PXDNL: variants seen among roughly 807,000 people sequenced by gnomAD.
The protein encoded by PXDNL is probable oxidoreductase PXDNL.
Under a neutral mutation model 150.8 loss-of-function variants are expected in PXDNL, and 145 were observed. The observed-to-expected ratio is 0.96, with a 90% CI of 0.84 to 1.10. PXDNL has a LOEUF of 1.10. Among genes scored for constraint, PXDNL ranks in the 50% least tolerant of loss-of-function variants. The probability of loss-of-function intolerance (pLI) is 0.00; values close to 1 mark genes in which losing one functional copy is unlikely to be tolerated. For synonymous variants in PXDNL, 757 were observed against 725.7 expected (o/e 1.04, Z -0.69); for missense variants, 2,087 against 1,873.9 (o/e 1.11, Z -2.10).
At chr8:51,555,267 T>G (rs1298018768) in intron 4 of PXDNL, among the ~76,000 whole-genome samples, 1 of 152,052 alleles carries the variant, frequency 6.6e-6, no homozygotes, top group Non-Finnish European at 1.5e-5. Context: ...AGGAACCCAC[T>G]CCCATGATAA....
intron 1 of PXDNL, among the ~76,000 whole-genome samples, chr8:51,723,621 T>C (rs1346761090): frequency 1.3e-5 from 2 of 152,154 alleles, no homozygotes; most frequent in Admixed American, 1.3e-4. Context: ...AGGGCTCCAC[T>C]GTGACAGCAG....
Position 51,319,872 on chromosome 8 carries a change from CA to C in PXDNL, c.*18del. The stretch of plus-strand genomic sequence containing the variant: ...CCTGAGAAATTTCCCATTTGGGGCT[CA>C]ACAGCACAAAACTTTTATTAGCGCT... On this transcript the variant is annotated 3_prime_UTR_variant, in exon 23 of 23. Coordinates refer to ENST00000356297, the MANE Select transcript of PXDNL (RefSeq NM_144651.5). 2.0e-6 allele frequency: 3 copies of C among 1,485,530 alleles called. No homozygotes were observed. Among genetic ancestry groups the C allele is most frequent in the Non-Finnish European group, 2.7e-6 (3 of 1,115,582 alleles). The allele number at this position is 1,485,530 out of a possible 1,614,324, so 92.0% of individuals were successfully genotyped here. A position where few individuals can be genotyped will look rare whatever the true frequency, so the allele number is the denominator to read the frequency against.
chr8:51,639,869 C>G (rs1259483161), intron 2 of PXDNL, among the ~76,000 whole-genome samples: 1 of 152,140 alleles, frequency 6.6e-6, no homozygotes, highest in Admixed American at 6.6e-5. Context: ...CAGCATCATC[C>G]TGATACCAAA....
chr8:51,321,618 C>T (rs1805317225), intron 21 of PXDNL, among the ~76,000 whole-genome samples: 1 of 152,054 alleles, frequency 6.6e-6, no homozygotes, highest in Non-Finnish European at 1.5e-5. Flanking sequence ...CAGTTCCTCC[C>T]CCATTTGCTC....
At chr8:51,691,808 C>T (rs1055078583) in intron 1 of PXDNL, among the ~76,000 whole-genome samples, 1 of 152,140 alleles carries the variant, frequency 6.6e-6, no homozygotes, top group Non-Finnish European at 1.5e-5. Context: ...AACACTTATC[C>T]TCAGCCCCGG....
intron 21 of PXDNL, among the ~76,000 whole-genome samples, chr8:51,323,743 G>A (rs573638948): frequency 4.0e-5 from 6 of 151,730 alleles, no homozygotes; most frequent in Non-Finnish European, 8.8e-5. Flanking sequence ...GTGAAACCCT[G>A]TCTCTACTAA....
chr8:51,320,879 G>C lies in PXDNL; in HGVS notation c.4165C>G (p.Arg1389Gly). Residue 1389 changes from arginine (R) to glycine (G), a missense_variant, in exon 22 of 23, where the codon CGC (arginine) becomes GGC (glycine). By Grantham distance (125) the Arg-to-Gly change is moderately radical (BLOSUM62 -2). Coordinates refer to ENST00000356297, the MANE Select transcript of PXDNL (RefSeq NM_144651.5). ...TCTGTACACCCTGCCTGCCTCAGGCGTGCCTCCAGCTTGTTTATCTGAAAG... is the reference window on the plus strand; with the variant it reads ...TCTGTACACCCTGCCTGCCTCAGGCCTGCCTCCAGCTTGTTTATCTGAAAG... ...LREQINKLEA[R>G]LRQAGCTDVR... The C allele has an allele frequency of 1.2e-6, 2 of 1,613,432 alleles. No individual in the cohort carries two copies. The highest frequency in any genetic ancestry group is 1.1e-5 in the South Asian group (1 of 91,056).
At position 51,754,838 on chromosome 8, in the gene PXDNL, A is replaced by G. The variant is rs567135582; in HGVS notation, c.164+54343T>C. On this transcript the variant is annotated intron_variant, in intron 1 of 22. Transcript: ENST00000356297. ...TCGTTTCTGACAGGTCATTTTTAACAAGTAGTTTTTAGAGAAGTAGGAGAA... is the reference window on the plus strand; with the variant it reads ...TCGTTTCTGACAGGTCATTTTTAACGAGTAGTTTTTAGAGAAGTAGGAGAA... Among the ~76,000 whole-genome samples the G allele has an allele frequency of 7.2e-5, 11 of 152,170 alleles. No homozygotes were observed. In the South Asian group the frequency reaches 1.9e-3, roughly 26 times the overall value.
At position 51,345,449 on chromosome 8, in the gene PXDNL, A is replaced by C. The variant is rs544549513; in HGVS notation, c.4016+384T>G. Among the ~76,000 whole-genome samples the C allele has an allele frequency of 4.6e-5, 7 of 152,342 alleles. No individual in the cohort carries two copies. The East Asian group carries it at 1.3e-3, about 29-fold the overall frequency. On this transcript the variant is annotated intron_variant, in intron 20 of 22. Coordinates refer to ENST00000356297, the MANE Select transcript of PXDNL (RefSeq NM_144651.5). ...CTTGCCATATATTATTCATGAATTC[A>C]AATCAACTTAACATGAATTAGCTTA...
chr8:51,619,807 CA>C (rs1814205369), intron 2 of PXDNL, among the ~76,000 whole-genome samples: 1 of 145,400 alleles, frequency 6.9e-6, no homozygotes, highest in Admixed American at 6.7e-5. Context: ...AGTGCAAGAA[CA>C]AACTAATACA....
At chr8:51,478,077 A>T (rs1488913182) in intron 6 of PXDNL, among the ~76,000 whole-genome samples, 1 of 152,124 alleles carries the variant, frequency 6.6e-6, no homozygotes, top group African/African-American at 2.4e-5. Context: ...AATCTTTATA[A>T]ATAATTTTCA....
chr8:51,781,128 G>A (rs1427743619), intron 1 of PXDNL, among the ~76,000 whole-genome samples: 2 of 152,122 alleles, frequency 1.3e-5, no homozygotes, highest in Admixed American at 1.3e-4. Context: ...AAAAACTTAG[G>A]GGTCTACAGC....
intron 5 of PXDNL, among the ~76,000 whole-genome samples, chr8:51,492,327 C>A (rs28538386): frequency 2.0e-5 from 3 of 152,118 alleles, no homozygotes; most frequent in Admixed American, 6.5e-5. Context: ...CAAATAGGAA[C>A]AGCTCCAGTC....
At chr8:51,391,068 C>T (rs1233521682) in intron 17 of PXDNL, among the ~76,000 whole-genome samples, 1 of 152,166 alleles carries the variant, frequency 6.6e-6, no homozygotes. Context: ...TTACAAAGGA[C>T]ATGAACTCAT....
At chr8:51,529,623 T>G (rs1811847785) in intron 4 of PXDNL, among the ~76,000 whole-genome samples, 1 of 152,172 alleles carries the variant, frequency 6.6e-6, no homozygotes, top group Non-Finnish European at 1.5e-5. Context: ...CATCCATCCT[T>G]TGAATTTAAA....
At chr8:51,424,418 A>G (rs1809036443) in intron 13 of PXDNL, among the ~76,000 whole-genome samples, 1 of 152,164 alleles carries the variant, frequency 6.6e-6, no homozygotes. Flanking sequence ...TCACAAATCC[A>G]TCATCTAAAA....
rs75545133 is a variant in PXDNL at position 51,560,859 on chromosome 8, C to T, written c.309-3948G>A. Reference sequence around the variant, plus strand: ...GTGAAAAGGCAACCTGCAGAATGGACGAAAATATTTGCAAATCATATATCT... The same window carrying T: ...GTGAAAAGGCAACCTGCAGAATGGATGAAAATATTTGCAAATCATATATCT... On this transcript the variant is annotated intron_variant, in intron 3 of 22. Transcript: ENST00000356297. 6.2e-3 allele frequency among the ~76,000 whole-genome samples: 940 copies of T among 151,346 alleles called. 3 individuals are homozygous for T. Among genetic ancestry groups the T allele is most frequent in the African/African-American group, 0.022 (890 of 41,324 alleles).
intron 1 of PXDNL, among the ~76,000 whole-genome samples, chr8:51,657,343 A>G (rs1334847233): frequency 1.3e-5 from 2 of 152,218 alleles, no homozygotes; most frequent in Non-Finnish European, 2.9e-5. Context: ...GTGCTTTTAA[A>G]TTTACAAAAA....
In PXDNL at chr8:51,408,095, C is replaced by T; in HGVS notation, c.3529G>A (p.Asp1177Asn). 1.2e-6 allele frequency: 2 copies of T among 1,606,830 alleles called. No homozygotes were observed. Among genetic ancestry groups the T allele is most frequent in the Non-Finnish European group, 1.7e-6 (2 of 1,178,082 alleles). The change falls in exon 17 of 23, where the codon GAT becomes AAT. Residue 1177 changes from aspartate (D) to asparagine (N), a missense_variant. Asp to Asn is a conservative substitution (Grantham distance 23). Coordinates refer to ENST00000356297, the MANE Select transcript of PXDNL (RefSeq NM_144651.5). ...CTCAGTTTTTGTCTAATCTCTGAAT[C>T]TTTAATTTCATTTTGAAGATCCTCA... ...NFEDLQNEIK[D>N]SEIRQKLRKL...
Sources: gnomAD v4.1 joint callset for allele counts (sites outside exome capture counted in the v4.1 genomes callset) on GRCh38, gnomAD v4.1.1 for gene constraint, MANE v1.5 for transcripts, NCBI Gene and HGNC (gene_info 2026-07-23, HGNC 2026-07-21) for gene names.